RBFOX1: variants seen among roughly 807,000 people sequenced by gnomAD.
RBFOX1 encodes RNA binding fox-1 homolog 1.
A neutral mutation model predicts 57.7 loss-of-function variants in RBFOX1; 8 were observed. That is an observed-to-expected ratio of 0.14 (90% CI 0.08 to 0.25). The LOEUF is 0.25. RBFOX1 is among the 10% of genes least tolerant of loss of function. The pLI is 1.00. For missense variants in RBFOX1, 611 were observed against 548.5 expected, an observed-to-expected ratio of 1.11 and a Z score of -1.14; for synonymous variants, 326 against 222.4, an observed-to-expected ratio of 1.47 and a Z score of -4.15.
chr16:6,579,369 A>ATATGG (rs2097499204), intron 2 of RBFOX1, among the ~76,000 whole-genome samples: 1 of 151,898 alleles, frequency 6.6e-6, no homozygotes. Context: ...ACACCTGGTG[A>ATATGG]TATGGTTTGG....
At chr16:6,561,164 C>T (rs1196299838) in intron 2 of RBFOX1, among the ~76,000 whole-genome samples, 3 of 152,110 alleles carry the variant, frequency 2.0e-5, no homozygotes, top group African/African-American at 7.2e-5. Flanking sequence ...GAAGGCTTCC[C>T]TCCTTAAAAT....
At chr16:7,702,562 G>C (rs72636232) in intron 14 of RBFOX1, among the ~76,000 whole-genome samples, 1 of 152,186 alleles carries the variant, frequency 6.6e-6, no homozygotes, top group African/African-American at 2.4e-5. Flanking sequence ...TTTCTAGTTG[G>C]ATGAGAGAAG....
intron 4 of RBFOX1, among the ~76,000 whole-genome samples, chr16:7,313,607 ATAAAATAAT>A (rs1286750030): frequency 3.3e-5 from 5 of 151,972 alleles, no homozygotes; most frequent in African/African-American, 7.2e-5. Flanking sequence ...GATCATAATA[ATAAAATAAT>A]TAAAATAATG....
intron 1 of RBFOX1, among the ~76,000 whole-genome samples, chr16:5,466,000 A>C (rs956892074): frequency 6.6e-6 from 1 of 152,098 alleles, no homozygotes; most frequent in African/African-American, 2.4e-5. Flanking sequence ...GTTTTGGGGC[A>C]ATTTCCTTGG....
chr16:7,198,472 C>G (rs1219666172), intron 4 of RBFOX1, among the ~76,000 whole-genome samples: 5 of 152,082 alleles, frequency 3.3e-5, no homozygotes, highest in Non-Finnish European at 1.5e-5. Flanking sequence ...GAGATAAAAT[C>G]AAAAACAGGA....
At chr16:6,859,819 T>C (rs2058687918) in intron 3 of RBFOX1, among the ~76,000 whole-genome samples, 1 of 150,206 alleles carries the variant, frequency 6.7e-6, no homozygotes, top group South Asian at 2.1e-4. Flanking sequence ...TTTTCTGCCA[T>C]TCTTGTTTCT....
intron 1 of RBFOX1, among the ~76,000 whole-genome samples, chr16:6,235,468 C>G (rs2097498656): frequency 6.6e-6 from 1 of 151,980 alleles, no homozygotes; most frequent in African/African-American, 2.4e-5. Flanking sequence ...TCTATAGCAG[C>G]ACAATTTGCA....
chr16:5,879,621 C>T (rs916562074), intron 4 of RBFOX1, among the ~76,000 whole-genome samples: 16 of 152,180 alleles, frequency 1.1e-4, no homozygotes, highest in Admixed American at 8.5e-4. Context: ...TGAGCCACCA[C>T]GCCTGATCTA....
chr16:6,953,823 A>C (rs2081246742), intron 3 of RBFOX1, among the ~76,000 whole-genome samples: 1 of 152,232 alleles, frequency 6.6e-6, no homozygotes, highest in African/African-American at 2.4e-5. Flanking sequence ...AGAACCGAGA[A>C]AAATAACTCT....
At chr16:6,237,357 T>C (rs1374236850) in intron 1 of RBFOX1, among the ~76,000 whole-genome samples, 2 of 152,202 alleles carry the variant, frequency 1.3e-5, no homozygotes, top group South Asian at 4.1e-4. Context: ...TTCATCCTTA[T>C]ATGGCCAGGT....
At chr16:5,345,113 C>A (rs535002121) in intron 1 of RBFOX1, among the ~76,000 whole-genome samples, 28 of 152,254 alleles carry the variant, frequency 1.8e-4, no homozygotes, top group Admixed American at 3.3e-4. Context: ...CGTTGTTCAT[C>A]CCCAGGGGGC....
intron 2 of RBFOX1, chr16:6,483,496 G>A: frequency 1.3e-6 from 2 of 1,535,644 alleles, no homozygotes; most frequent in South Asian, 2.4e-5. Context: ...CTTTGCAGCC[G>A]ACAATGAAAT....
At chr16:6,211,651 G>C (rs1257435775) in intron 1 of RBFOX1, among the ~76,000 whole-genome samples, 1 of 152,096 alleles carries the variant, frequency 6.6e-6, no homozygotes, top group Non-Finnish European at 1.5e-5. Flanking sequence ...GCTGAGAGAA[G>C]TACCTCTTTT....
intron 4 of RBFOX1, among the ~76,000 whole-genome samples, chr16:7,485,332 G>A (rs1244696747): frequency 1.3e-5 from 2 of 152,170 alleles, no homozygotes; most frequent in African/African-American, 2.4e-5. Flanking sequence ...CTTGCTATGC[G>A]CTGTTGCTTA....
chr16:6,793,701 C>G (rs143067799), intron 3 of RBFOX1, among the ~76,000 whole-genome samples: 2,269 of 152,236 alleles, frequency 0.015, 69 homozygotes, highest in African/African-American at 0.052. Flanking sequence ...CATTGGCCAT[C>G]TTTTCACCCT....
intron 4 of RBFOX1, among the ~76,000 whole-genome samples, chr16:7,202,678 C>A (rs933772938): frequency 2.6e-5 from 4 of 152,180 alleles, no homozygotes; most frequent in African/African-American, 9.7e-5. Context: ...TAGGTTCTCA[C>A]AGCAGCACAA....
In RBFOX1 at chr16:6,085,650, T is replaced by TTG. The variant is rs71142678; in HGVS notation, c.-127+65676_-127+65677dup. Among the ~76,000 whole-genome samples the TTG allele has an allele frequency of 1.5e-3, 226 of 150,590 alleles. 1 individual carries two copies. Among genetic ancestry groups the TTG allele is most frequent in the African/African-American group, 4.6e-3 (190 of 41,076 alleles). On this transcript the variant is annotated intron_variant, in intron 1 of 15. Coordinates refer to ENST00000550418, the MANE Select transcript of RBFOX1 (RefSeq NM_018723.4). ...AGGCAGGAGAAGTAGCAGTGTGTGT[T>TTG]TGTGTGTGTGTGTGTGTGTCTGTGT...
chr16:6,943,708 T>TA (rs35455385), intron 3 of RBFOX1, among the ~76,000 whole-genome samples: 8,494 of 133,956 alleles, frequency 0.063, 650 homozygotes, highest in African/African-American at 0.19. Flanking sequence ...ACTCTGTCTT[T>TA]AAAAAAAAAA....
intron 3 of RBFOX1, among the ~76,000 whole-genome samples, chr16:6,809,543 A>C (rs571780793): frequency 6.6e-6 from 1 of 152,270 alleles, no homozygotes; most frequent in Non-Finnish European, 1.5e-5. Context: ...GTTTCTGTGC[A>C]CCTGAGACTA....
Sources: gnomAD v4.1 joint callset for allele counts (sites outside exome capture counted in the v4.1 genomes callset) on GRCh38, gnomAD v4.1.1 for gene constraint, MANE v1.5 for transcripts, NCBI Gene and HGNC (gene_info 2026-07-23, HGNC 2026-07-21) for gene names.